The following SGIP1 variants were observed in gnomAD, a reference collection of about 807,000 sequenced individuals.
The protein encoded by SGIP1 is SH3GL interacting endocytic adaptor 1.
Under a neutral mutation model 107.5 loss-of-function variants are expected in SGIP1, and 38 were observed. The observed-to-expected ratio is 0.35, with a 90% CI of 0.27 to 0.46. The LOEUF is 0.46. Among genes scored for constraint, SGIP1 ranks in the 20% least tolerant of loss-of-function variants. The pLI, the probability that SGIP1 is intolerant of heterozygous loss-of-function variation, is 1.00. For missense variants in SGIP1, 929 were observed against 1,019.5 expected (o/e 0.91, Z 1.21); for synonymous variants, 365 against 366.1 (o/e 1.00, Z 0.03).
chr1:66,678,599 C>T (rs1481872317), intron 13 of SGIP1, among the ~76,000 whole-genome samples: 1 of 152,106 alleles, frequency 6.6e-6, no homozygotes, highest in Non-Finnish European at 1.5e-5. Context: ...GTGTAGCTTT[C>T]AGAAGCTCAT....
At chr1:66,624,779 G>A (rs1467532985) in intron 1 of SGIP1, among the ~76,000 whole-genome samples, 5 of 152,170 alleles carry the variant, frequency 3.3e-5, no homozygotes, top group Non-Finnish European at 7.3e-5. Flanking sequence ...TCTAAGGTTT[G>A]AATATATAAA....
At chr1:66,671,339 G>A (rs1032804534) in intron 10 of SGIP1, among the ~76,000 whole-genome samples, 3 of 152,122 alleles carry the variant, frequency 2.0e-5, no homozygotes, top group Non-Finnish European at 4.4e-5. Context: ...CTGGGGGTGG[G>A]AAGAACAGGC....
chr1:66,566,592 T>A lies in SGIP1; in HGVS notation c.10+32224T>A, dbSNP rs1011607945. ...ACCACTCGATGGGTCTAGTTTTTCA[T>A]CTGTCATGTGGGGATAATAATGAAA... On this transcript the variant is annotated intron_variant, in intron 1 of 24. Transcript: ENST00000371037. Among the ~76,000 whole-genome samples the A allele has an allele frequency of 2.6e-5, 4 of 151,998 alleles. No homozygotes were observed. In the South Asian group the frequency reaches 8.3e-4, roughly 31 times the overall value.
At chr1:66,588,049 A>C (rs2148832377) in intron 1 of SGIP1, among the ~76,000 whole-genome samples, 1 of 152,290 alleles carries the variant, frequency 6.6e-6, no homozygotes, top group Middle Eastern at 3.4e-3. Flanking sequence ...CTGAATTACA[A>C]TATTAGCTCT....
chr1:66,616,855 T>C (rs971883759), intron 1 of SGIP1, among the ~76,000 whole-genome samples: 6 of 152,166 alleles, frequency 3.9e-5, no homozygotes, highest in African/African-American at 1.2e-4. Flanking sequence ...ATAATTACCC[T>C]CTAGAAATCT....
At chr1:66,673,846 C>T (rs888107689) in intron 12 of SGIP1, among the ~76,000 whole-genome samples, 3 of 152,104 alleles carry the variant, frequency 2.0e-5, no homozygotes, top group South Asian at 2.1e-4. Flanking sequence ...TGGCTCAAGA[C>T]CCAGGAATGA....
At position 66,737,053 on chromosome 1, in the gene SGIP1, A is replaced by G. The variant is rs528738334; in HGVS notation, c.2032-2282A>G. 2.6e-5 allele frequency among the ~76,000 whole-genome samples: 4 copies of G among 152,170 alleles called. No individual in the cohort carries two copies. The South Asian group carries it at 6.2e-4, about 24-fold the overall frequency. On this transcript the variant is annotated intron_variant, in intron 21 of 24. Coordinates refer to ENST00000371037, the MANE Select transcript of SGIP1 (RefSeq NM_032291.4). ...ACACATTTTATTTAACTTCTTCCCA[A>G]AATATTTAAACATGCTTAGTGACTG... is the stretch of plus-strand genomic sequence containing the variant.
chr1:66,620,804 T>C (rs1036370153), intron 1 of SGIP1, among the ~76,000 whole-genome samples: 2 of 152,228 alleles, frequency 1.3e-5, no homozygotes, highest in African/African-American at 4.8e-5. Flanking sequence ...ATTTATCCTT[T>C]CTATAGGCAA....
chr1:66,651,948 T>C (rs2078842151), intron 7 of SGIP1, among the ~76,000 whole-genome samples: 1 of 152,188 alleles, frequency 6.6e-6, no homozygotes, highest in South Asian at 2.1e-4. Flanking sequence ...ATAATAATGC[T>C]ATGTTTTATA....
At chr1:66,560,667 T>G (rs1424682219) in intron 1 of SGIP1, among the ~76,000 whole-genome samples, 1 of 152,084 alleles carries the variant, frequency 6.6e-6, no homozygotes, top group African/African-American at 2.4e-5. Context: ...TGAGTGTAAC[T>G]TTTTCCTCAT....
chr1:66,587,151 A>G (rs147876368), intron 1 of SGIP1, among the ~76,000 whole-genome samples: 4 of 152,212 alleles, frequency 2.6e-5, no homozygotes, highest in Admixed American at 1.3e-4. Context: ...CAGAATTTCA[A>G]TCACAGCATA....
intron 1 of SGIP1, among the ~76,000 whole-genome samples, chr1:66,599,436 A>G (rs986762298): frequency 1.1e-4 from 17 of 152,286 alleles, no homozygotes; most frequent in African/African-American, 2.4e-5. Context: ...GCTAAGTGAC[A>G]TGCCTAAAAA....
chr1:66,712,812 T>TGGTAATGAAGCACCTTGCAA (rs2093003182), intron 18 of SGIP1, among the ~76,000 whole-genome samples: 1 of 152,138 alleles, frequency 6.6e-6, no homozygotes, highest in Non-Finnish European at 1.5e-5. Context: ...TGACCTTGCT[T>TGGTAATGAAGCACCTTGCAA]GGTAATGAGA....
At chr1:66,594,239 A>G (rs2064191181) in intron 1 of SGIP1, among the ~76,000 whole-genome samples, 1 of 152,228 alleles carries the variant, frequency 6.6e-6, no homozygotes, top group Non-Finnish European at 1.5e-5. Context: ...GTGTGTACCT[A>G]TCTAAAATTC....
intron 19 of SGIP1, among the ~76,000 whole-genome samples, chr1:66,723,552 T>G (rs1202839413): frequency 6.6e-6 from 1 of 152,150 alleles, no homozygotes; most frequent in Non-Finnish European, 1.5e-5. Flanking sequence ...TAGAAAAGCT[T>G]AGGTTACTCG....
At chr1:66,698,402 G>C (rs1036133061) in intron 18 of SGIP1, among the ~76,000 whole-genome samples, 2 of 136,524 alleles carry the variant, frequency 1.5e-5, no homozygotes, top group East Asian at 4.5e-4. Flanking sequence ...TTTTTGAGAC[G>C]GAGTCTCGCT....
chr1:66,596,998 T>C (rs1041272012), intron 1 of SGIP1, among the ~76,000 whole-genome samples: 5 of 152,202 alleles, frequency 3.3e-5, no homozygotes, highest in Non-Finnish European at 4.4e-5. Flanking sequence ...CCCAAAGATG[T>C]ATTTACTCCC....
At chr1:66,577,485 T>C (rs1351245146) in intron 1 of SGIP1, among the ~76,000 whole-genome samples, 1 of 152,216 alleles carries the variant, frequency 6.6e-6, no homozygotes. Flanking sequence ...CTTCCCGGCT[T>C]CTTATTCTGA....
At chr1:66,549,707 G>GT (rs1332784623) in intron 1 of SGIP1, among the ~76,000 whole-genome samples, 2 of 152,078 alleles carry the variant, frequency 1.3e-5, no homozygotes, top group African/African-American at 2.4e-5. Flanking sequence ...ATACCAAAAT[G>GT]TTTTTTTACA....
Sources: allele counts gnomAD v4.1 joint callset (sites outside exome capture counted in the v4.1 genomes callset), GRCh38; gene constraint gnomAD v4.1.1; transcripts MANE v1.5; gene names NCBI Gene and HGNC (gene_info 2026-07-23, HGNC 2026-07-21).